Variants in SPTLC1 observed in about 807,000 individuals in gnomAD.
SPTLC1 encodes the protein serine palmitoyltransferase long chain base subunit 1.
Under a neutral mutation model 68.9 loss-of-function variants are expected in SPTLC1, and 55 were observed. The observed-to-expected ratio is 0.80, with a 90% CI of 0.64 to 1.00. The LOEUF is 1.00. SPTLC1 is among the 50% of genes least tolerant of loss of function. The pLI is 0.00. For missense variants in SPTLC1, 449 were observed against 573.1 expected, an observed-to-expected ratio of 0.78 and a Z score of 2.21; for synonymous variants, 197 against 201.6, an observed-to-expected ratio of 0.98 and a Z score of 0.19.
chr9:92,059,278 T>C lies in SPTLC1; in HGVS notation c.591A>G (p.Lys197=). Residue 197 remains lysine, a synonymous_variant, in exon 7 of 15, where the codon AAA becomes AAG. Transcript: ENST00000262554. Reference sequence around the variant, plus strand: ...TGTCACTACGGGATGCCTGTAATCCTTTCTGAATAGCAAAGCAGGCAGCTC... The same window carrying C: ...TGTCACTACGGGATGCCTGTAATCCCTTCTGAATAGCAAAGCAGGCAGCTC... The part of the protein sequence containing the change: ...VDRAACFAIQ[K]GLQASRSDIK... The C allele has an allele frequency of 6.2e-7, 1 of 1,614,100 alleles. No individual in the cohort carries two copies. The highest frequency in any genetic ancestry group is 1.1e-5 in the South Asian group (1 of 91,084).
intron 12 of SPTLC1, among the ~76,000 whole-genome samples, chr9:92,042,636 TG>T (rs138202599): frequency 0.034 from 5,173 of 152,296 alleles, 221 homozygotes; most frequent in Middle Eastern, 0.12. Flanking sequence ...CTCATGTTCA[TG>T]GATGACATTT....
At chr9:92,078,483 T>A (rs1403144091) in intron 5 of SPTLC1, among the ~76,000 whole-genome samples, 1 of 152,214 alleles carries the variant, frequency 6.6e-6, no homozygotes, top group Non-Finnish European at 1.5e-5. Flanking sequence ...ATTTTTGAGA[T>A]GGTCTCACTC....
At chr9:92,049,922 TA>T in intron 9 of SPTLC1, 37 bp downstream of exon 9, 15 of 1,290,166 alleles carry the variant, frequency 1.2e-5, no homozygotes, top group Non-Finnish European at 1.6e-5. Context: ...ACATGTCTCC[TA>T]TAAGAGGGGA....
chr9:92,051,103 C>T (rs746021207), intron 8 of SPTLC1: 4 of 985,112 alleles, frequency 4.1e-6, no homozygotes, highest in Non-Finnish European at 4.8e-6. Context: ...CACTACCTCC[C>T]TCCCATTATT....
At chr9:92,068,197 C>A in intron 5 of SPTLC1, 99 bp from the exon 6 acceptor site, 1 of 1,207,226 alleles carries the variant, frequency 8.3e-7, no homozygotes. Flanking sequence ...ATTATCAATA[C>A]TTTCACCTTA....
At chr9:92,082,951 A>G (rs1200433398) in intron 3 of SPTLC1, among the ~76,000 whole-genome samples, 1 of 152,060 alleles carries the variant, frequency 6.6e-6, no homozygotes, top group African/African-American at 2.4e-5. Context: ...GTGAGATGGT[A>G]TCTCATTATG....
At chr9:92,056,353 C>T (rs867806992) in intron 7 of SPTLC1, among the ~76,000 whole-genome samples, 21 of 152,106 alleles carry the variant, frequency 1.4e-4, no homozygotes, top group Admixed American at 3.3e-4. Context: ...CTCAGCCTCC[C>T]GAGTAGCTGG....
intron 3 of SPTLC1, among the ~76,000 whole-genome samples, chr9:92,102,255 A>G (rs1179905614): frequency 5.9e-5 from 9 of 152,262 alleles, no homozygotes; most frequent in Admixed American, 5.2e-4. Context: ...CATCACCATA[A>G]GACCAGCCTG....
intron 12 of SPTLC1, among the ~76,000 whole-genome samples, chr9:92,039,150 G>C (rs766197227): frequency 6.6e-6 from 1 of 152,020 alleles, no homozygotes; most frequent in Non-Finnish European, 1.5e-5. Context: ...CTGTCTCAAA[G>C]AAAAACTCAA....
chr9:92,062,781 A>AAG (rs1834150380), intron 6 of SPTLC1, among the ~76,000 whole-genome samples: 1 of 152,174 alleles, frequency 6.6e-6, no homozygotes, highest in South Asian at 2.1e-4. Flanking sequence ...GGCCAACCAG[A>AAG]GCAAAATAAT....
chr9:92,040,933 C>T (rs1025337387), intron 12 of SPTLC1, among the ~76,000 whole-genome samples: 11 of 152,114 alleles, frequency 7.2e-5, no homozygotes, highest in African/African-American at 1.4e-4. Context: ...TAAAACCAAA[C>T]GGACACAGTT....
At chr9:92,053,650 G>A (rs1438435468) in intron 8 of SPTLC1, among the ~76,000 whole-genome samples, 2 of 152,180 alleles carry the variant, frequency 1.3e-5, no homozygotes, top group Non-Finnish European at 2.9e-5. Context: ...TCAAGTGAAT[G>A]AAGCCAGAAA....
At chr9:92,037,735 C>T (rs1833192387) in intron 13 of SPTLC1, among the ~76,000 whole-genome samples, 1 of 152,122 alleles carries the variant, frequency 6.6e-6, no homozygotes, top group Non-Finnish European at 1.5e-5. Flanking sequence ...ATAAATCTCC[C>T]CAAATTAGGT....
At chr9:92,082,545 C>T (rs1285809430) in intron 3 of SPTLC1, among the ~76,000 whole-genome samples, 1 of 151,314 alleles carries the variant, frequency 6.6e-6, no homozygotes, top group East Asian at 1.9e-4. Context: ...CAATTTCATC[C>T]ATGTCCCTAC....
intron 10 of SPTLC1, 113 bp from the exon 11 acceptor site, chr9:92,047,381 G>T (rs1833553186): frequency 1.1e-6 from 1 of 907,954 alleles, no homozygotes; most frequent in Non-Finnish European, 1.8e-6. Context: ...TGTGGTGAGG[G>T]GGGTAAGATC....
intron 9 of SPTLC1, among the ~76,000 whole-genome samples, chr9:92,048,765 T>G (rs549212570): frequency 5.3e-5 from 8 of 152,366 alleles, no homozygotes; most frequent in Admixed American, 2.0e-4. Flanking sequence ...TTAAATTTGA[T>G]GTTAAATATA....
At chr9:92,076,096 A>G (rs1206298933) in intron 5 of SPTLC1, among the ~76,000 whole-genome samples, 1 of 152,172 alleles carries the variant, frequency 6.6e-6, no homozygotes, top group Non-Finnish European at 1.5e-5. Context: ...TAATAGCACT[A>G]ACTCATGCCC....
At chr9:92,038,693 C>T (rs1833237540) in intron 12 of SPTLC1, among the ~76,000 whole-genome samples, 1 of 152,214 alleles carries the variant, frequency 6.6e-6, no homozygotes, top group African/African-American at 2.4e-5. Context: ...CCATGTGCTC[C>T]CTCGCCCCCA....
chr9:92,037,433 A>AT (rs1363445399), intron 13 of SPTLC1, among the ~76,000 whole-genome samples: 2 of 152,242 alleles, frequency 1.3e-5, no homozygotes, highest in Non-Finnish European at 2.9e-5. Flanking sequence ...AAAAGTCCAG[A>AT]TTCTTCTGAA....
Sources: gnomAD v4.1 joint callset for allele counts (sites outside exome capture counted in the v4.1 genomes callset) on GRCh38, gnomAD v4.1.1 for gene constraint, MANE v1.5 for transcripts, NCBI Gene and HGNC (gene_info 2026-07-23, HGNC 2026-07-21) for gene names.